Variants in FBXL14 observed in about 807,000 individuals in gnomAD.
The protein encoded by FBXL14 is F-box and leucine rich repeat protein 14.
A neutral mutation model predicts 24.5 loss-of-function variants in FBXL14; 11 were observed. The observed-to-expected ratio is 0.45, with a 90% CI of 0.28 to 0.74. The LOEUF is 0.74. Ranked by LOEUF, FBXL14 falls within the 30% of genes least tolerant of loss-of-function variation. FBXL14 has a pLI of 0.12. For synonymous variants in FBXL14, 294 were observed against 240.4 expected, an observed-to-expected ratio of 1.22 and a Z score of -2.06; for missense variants, 384 against 545.6, an observed-to-expected ratio of 0.70 and a Z score of 2.95.
At chr12:1,586,860 T>C (rs1181259856) in intron 1 of FBXL14, among the ~76,000 whole-genome samples, 1 of 152,236 alleles carries the variant, frequency 6.6e-6, no homozygotes, top group Non-Finnish European at 1.5e-5. Flanking sequence ...CTCTTCTTTG[T>C]AATTGAGACT....
At chr12:1,589,842 T>C (rs2094485479) in intron 1 of FBXL14, among the ~76,000 whole-genome samples, 2 of 152,182 alleles carry the variant, frequency 1.3e-5, no homozygotes, top group African/African-American at 4.8e-5. Context: ...CAAACATCAA[T>C]TTGCCGACCT....
chr12:1,593,858 A>T lies in FBXL14; in HGVS notation c.209T>A (p.Ile70Asn). ...SLFPSLQARG[I>N]RRVQILSLRR... ...GAGGCTCAGGATCTGCACCCGGCGG[A>T]TGCCCCGGGCCTGCAGGCTGGGGAA... The change falls in exon 1 of 2, where the codon ATC becomes AAC. Residue 70 changes from isoleucine to asparagine, a missense_variant. Transcript: ENST00000339235. The surrounding 1 kb of genome is among the most constrained non-coding windows in gnomAD (Gnocchi z 7.4). 1 of 1,613,228 alleles carries T rather than the reference A, an allele frequency of 6.2e-7. No homozygotes were observed. Among genetic ancestry groups the T allele is most frequent in the Non-Finnish European group, 8.5e-7 (1 of 1,179,904 alleles).
chr12:1,590,163 T>G (rs189614681), intron 1 of FBXL14, among the ~76,000 whole-genome samples: 196 of 152,100 alleles, frequency 1.3e-3, no homozygotes, highest in Middle Eastern at 3.4e-3. Context: ...TTCCAGGCAT[T>G]AAGCACTGTA....
Position 1,593,158 on chromosome 12 carries a change from C to T in FBXL14, c.909G>A (p.Gly303=), listed in dbSNP as rs1565592010. ...GGGAGAGAGACTTGAGGCCATCCAG[C>T]CCCTGGGCTATGTAAGCCAGACTCT... The part of the protein sequence containing the change: ...GDQSLAYIAQ[G]LDGLKSLSLC... Residue 303 remains glycine (G), a synonymous_variant, in exon 1 of 2, where the codon GGG becomes GGA. Coordinates refer to ENST00000339235, the MANE Select transcript of FBXL14 (RefSeq NM_152441.3). The surrounding 1 kb of genome is among the most constrained non-coding windows in gnomAD (Gnocchi z 7.4). 2.5e-6 allele frequency: 4 copies of T among 1,613,594 alleles called. No individual in the cohort carries two copies. The highest frequency in any genetic ancestry group is 3.4e-6 in the Non-Finnish European group (4 of 1,180,050).
intron 1 of FBXL14, among the ~76,000 whole-genome samples, chr12:1,591,784 G>A (rs2094490759): frequency 6.6e-6 from 1 of 152,152 alleles, no homozygotes; most frequent in African/African-American, 2.4e-5. Context: ...GTTTCCCACA[G>A]GAAGCCGCAC....
chr12:1,584,332 CAG>C (rs781220713), intron 1 of FBXL14, among the ~76,000 whole-genome samples: 1 of 152,232 alleles, frequency 6.6e-6, no homozygotes, highest in Non-Finnish European at 1.5e-5. Flanking sequence ...GCCTGGGTGA[CAG>C]AGCGAGACCC....
At chr12:1,586,327 C>A (rs982806175) in intron 1 of FBXL14, among the ~76,000 whole-genome samples, 3 of 151,922 alleles carry the variant, frequency 2.0e-5, no homozygotes, top group African/African-American at 7.3e-5. Context: ...CCACTGCACT[C>A]CAGCCTGGGC....
In FBXL14 at chr12:1,594,130, G is replaced by A. The variant is rs2094496672; in HGVS notation, c.-64C>T. On this transcript the variant is annotated 5_prime_UTR_variant, in exon 1 of 2. Transcript: ENST00000339235. The stretch of plus-strand genomic sequence containing the variant: ...CGCGGGCCCCGCCGCTCCGGCCTCG[G>A]GCAGGCGACGAGAGCGCTTCTCCCC... 2 of 1,272,704 alleles carry A rather than the reference G, an allele frequency of 1.6e-6. No individual in the cohort carries two copies. Among genetic ancestry groups the A allele is most frequent in the Middle Eastern group, 2.7e-4 (1 of 3,652 alleles). 78.8% of individuals were successfully genotyped at this position (1,272,704 alleles called of 1,614,324 possible). A position where few individuals can be genotyped will look rare whatever the true frequency, so the allele number is the denominator to read the frequency against.
chr12:1,593,929 C>A lies in FBXL14; in HGVS notation c.138G>T (p.Arg46=), dbSNP rs368750848. 5 of 1,579,208 alleles carry A rather than the reference C, an allele frequency of 3.2e-6. No homozygotes were observed. The highest frequency in any genetic ancestry group is 4.3e-6 in the Non-Finnish European group (5 of 1,169,916). Residue 46 remains arginine (R), a synonymous_variant, in exon 1 of 2, where the codon CGG becomes CGT. Coordinates refer to ENST00000339235, the MANE Select transcript of FBXL14 (RefSeq NM_152441.3). The surrounding 1 kb of genome is among the most constrained non-coding windows in gnomAD (Gnocchi z 7.4). The stretch of plus-strand genomic sequence containing the variant: ...GCAGGTGCAGCTTGGCCTCCACCCC[C>A]CGCCACACCGACTTGTGGTAGGCGG... ...RDAAYHKSVW[R]GVEAKLHLRR...
intron 1 of FBXL14, among the ~76,000 whole-genome samples, chr12:1,582,021 G>C (rs2094467326): frequency 6.6e-6 from 1 of 152,168 alleles, no homozygotes; most frequent in Non-Finnish European, 1.5e-5. Context: ...AACTACTCAG[G>C]AGGCTGAGGC....
chr12:1,570,871 G>A (rs112713050), intron 1 of FBXL14, among the ~76,000 whole-genome samples: 96 of 152,166 alleles, frequency 6.3e-4, no homozygotes, highest in Middle Eastern at 3.4e-3. Context: ...GGTCATGATG[G>A]GAGGAGCAGT....
At chr12:1,583,383 GAAA>G (rs60015261) in intron 1 of FBXL14, among the ~76,000 whole-genome samples, 1 of 136,872 alleles carries the variant, frequency 7.3e-6, no homozygotes, top group African/African-American at 2.6e-5. Context: ...AGTTTAAAGA[GAAA>G]AAAAAAAAAG....
chr12:1,593,860 G>T lies in FBXL14; in HGVS notation c.207C>A (p.Gly69=), dbSNP rs1456667614. The T allele has an allele frequency of 6.2e-7, 1 of 1,613,004 alleles. No individual in the cohort carries two copies. Among genetic ancestry groups the T allele is most frequent in the Non-Finnish European group, 8.5e-7 (1 of 1,179,914 alleles). Reference sequence around the variant, plus strand: ...GGCTCAGGATCTGCACCCGGCGGATGCCCCGGGCCTGCAGGCTGGGGAACA... The same window carrying T: ...GGCTCAGGATCTGCACCCGGCGGATTCCCCGGGCCTGCAGGCTGGGGAACA... The part of the protein sequence containing the change: ...PSLFPSLQAR[G]IRRVQILSLR... Residue 69 remains glycine (G), a synonymous_variant, in exon 1 of 2, where the codon GGC becomes GGA. Transcript: ENST00000339235. The surrounding 1 kb of genome is among the most constrained non-coding windows in gnomAD (Gnocchi z 7.4).
At position 1,569,882 on chromosome 12, in the gene FBXL14, C is replaced by T. The variant is rs1469630017; in HGVS notation, c.1195-3072G>A. On this transcript the variant is annotated intron_variant, in intron 1 of 1. Transcript: ENST00000339235. This position sits in a 1 kb window ranked among gnomAD's most constrained non-coding sequence, Gnocchi z 4.2. ...AGGCTCACACAGAGCCAAGGGAGGG[C>T]AGGGCGCACCACATGCCCACTGCAG... Among the ~76,000 whole-genome samples the T allele has an allele frequency of 6.6e-6, 1 of 152,218 alleles. No homozygotes were observed. Among genetic ancestry groups the T allele is most frequent in the Non-Finnish European group, 1.5e-5 (1 of 68,028 alleles).
At chr12:1,585,981 C>T (rs1047226987) in intron 1 of FBXL14, among the ~76,000 whole-genome samples, 2 of 152,176 alleles carry the variant, frequency 1.3e-5, no homozygotes, top group Admixed American at 1.3e-4. Context: ...TGCAACAAAG[C>T]AGTGTTTTGG....
At chr12:1,581,737 C>G (rs1036428219) in intron 1 of FBXL14, among the ~76,000 whole-genome samples, 1 of 152,172 alleles carries the variant, frequency 6.6e-6, no homozygotes, top group Admixed American at 6.5e-5. Flanking sequence ...AACATCCTCA[C>G]GCCAGCCCAG....
chr12:1,579,865 A>G lies in FBXL14; in HGVS notation c.1194+13008T>C, dbSNP rs1379671999. ...AGAATGAGCAGTCTCTCGATGCTGA[A>G]ATGGAATGATGAGAACTCAGGGCCA... On this transcript the variant is annotated intron_variant, in intron 1 of 1. Coordinates refer to ENST00000339235, the MANE Select transcript of FBXL14 (RefSeq NM_152441.3). This position sits in a 1 kb window ranked among gnomAD's most constrained non-coding sequence, Gnocchi z 4.3. 6.6e-6 allele frequency among the ~76,000 whole-genome samples: 1 copy of G among 152,170 alleles called. No homozygotes were observed. The highest frequency in any genetic ancestry group is 1.5e-5 in the Non-Finnish European group (1 of 68,028).
At chr12:1,574,635 G>T in intron 1 of FBXL14, 1 of 196,028 alleles carries the variant, frequency 5.1e-6, no homozygotes, top group Non-Finnish European at 1.1e-5. Flanking sequence ...CTTCTTTTGA[G>T]GGATCTGAAG....
chr12:1,592,722 G>A lies in FBXL14; in HGVS notation c.1194+151C>T. ...GCCGGGAGGGGGCTGGAGGAGGGAG[G>A]AGGAAACGAGCCTGAGGCTTCTGTC... On this transcript the variant is annotated intron_variant, in intron 1 of 1. Coordinates refer to ENST00000339235, the MANE Select transcript of FBXL14 (RefSeq NM_152441.3). The A allele has an allele frequency of 5.8e-6, 4 of 684,990 alleles. No individual in the cohort carries two copies. The South Asian group carries it at 7.8e-5, about 13-fold the overall frequency. 42.4% of individuals were successfully genotyped at this position (684,990 alleles called of 1,614,324 possible). A position where few individuals can be genotyped will look rare whatever the true frequency, so the allele number is the denominator to read the frequency against.
Sources: gnomAD v4.1 joint callset for allele counts (sites outside exome capture counted in the v4.1 genomes callset) on GRCh38, gnomAD v4.1.1 for gene constraint, Gnocchi (gnomAD v3.1) non-coding constraint, MANE v1.5 for transcripts, NCBI Gene and HGNC (gene_info 2026-07-23, HGNC 2026-07-21) for gene names.